Variants in SLC9D1 observed in about 807,000 individuals in gnomAD.
SLC9D1 encodes putative LAG1-interacting protein.
At chr13:113,494,078 T>C in the SLC9D1 span, among the ~76,000 whole-genome samples, 1 of 152,236 alleles carries the variant, frequency 6.6e-6, no homozygotes, top group Non-Finnish European at 1.5e-5. Context: ...TATAGATACA[T>C]CTTTTAGTAA....
chr13:113,493,689 T>C, the SLC9D1 span, among the ~76,000 whole-genome samples: 1 of 152,204 alleles, frequency 6.6e-6, no homozygotes, highest in Non-Finnish European at 1.5e-5. Context: ...CTCTGTGGAG[T>C]GTGCTTCTCC....
chr13:113,548,476 C>T, the SLC9D1 span: 41 of 1,591,902 alleles, frequency 2.6e-5, no homozygotes, highest in African/African-American at 3.8e-4. Flanking sequence ...CCCCGCGGAG[C>T]GCTTCTCGGG....
the SLC9D1 span, chr13:113,533,923 A>G: frequency 6.7e-6 from 5 of 742,268 alleles, no homozygotes; most frequent in South Asian, 7.2e-5. Flanking sequence ...GAAAATAAAG[A>G]TGTGTATGAT....
chr13:113,492,770 C>T, the SLC9D1 span, among the ~76,000 whole-genome samples: 10 of 152,212 alleles, frequency 6.6e-5, no homozygotes, highest in South Asian at 2.1e-4. Flanking sequence ...TGGTGGCGAG[C>T]GCCTGTAATT....
chr13:113,491,202 C>T, the SLC9D1 span: 1 of 152,342 alleles, frequency 6.6e-6, no homozygotes, highest in Non-Finnish European at 1.5e-5. Flanking sequence ...GTCCTGGCGC[C>T]TCAGAGCCCG....
the SLC9D1 span, chr13:113,547,013 G>T: frequency 2.5e-6 from 1 of 400,418 alleles, no homozygotes; most frequent in Non-Finnish European, 4.6e-6. Flanking sequence ...CAGACCGAGT[G>T]CCGCCTCTGT....
At chr13:113,512,160 GCGGGGGCCGGGAC>G in the SLC9D1 span, among the ~76,000 whole-genome samples, 2 of 132,982 alleles carry the variant, frequency 1.5e-5, no homozygotes, top group Admixed American at 7.9e-5. Context: ...ACTCGGAGTC[GCGGGGGCCGGGAC>G]TGGAGAGGCA....
At chr13:113,511,107 C>T in the SLC9D1 span, among the ~76,000 whole-genome samples, 1 of 151,608 alleles carries the variant, frequency 6.6e-6, no homozygotes, top group African/African-American at 2.4e-5. Context: ...CAGTGGAAGC[C>T]GACTCACTCG....
chr13:113,512,880 A>G, the SLC9D1 span, among the ~76,000 whole-genome samples: 1 of 147,814 alleles, frequency 6.8e-6, no homozygotes, highest in Non-Finnish European at 1.5e-5. Flanking sequence ...GTAGATGGAG[A>G]GGGTCAGTAT....
the SLC9D1 span, among the ~76,000 whole-genome samples, chr13:113,547,663 C>T: frequency 2.0e-5 from 3 of 152,202 alleles, no homozygotes; most frequent in East Asian, 3.9e-4. Flanking sequence ...CAGTCCAGCC[C>T]GTCCTCCTCT....
the SLC9D1 span, among the ~76,000 whole-genome samples, chr13:113,507,968 G>C: frequency 0.21 from 32,012 of 152,186 alleles, 4,093 homozygotes; most frequent in African/African-American, 0.36. Context: ...GGGGGGCTTG[G>C]TAACCCACAG....
the SLC9D1 span, chr13:113,524,150 C>T: frequency 2.2e-6 from 1 of 456,490 alleles, no homozygotes; most frequent in Non-Finnish European, 4.4e-6. Context: ...ATTTCGTGTT[C>T]TTGCTGTAGT....
At chr13:113,533,956 T>C in the SLC9D1 span, 2 of 968,856 alleles carry the variant, frequency 2.1e-6, no homozygotes, top group Non-Finnish European at 3.2e-6. Context: ...TTTTGTAGCA[T>C]GTTAAAGAAA....
At chr13:113,534,633 T>C in the SLC9D1 span, 1 of 238,144 alleles carries the variant, frequency 4.2e-6, no homozygotes, top group Non-Finnish European at 8.1e-6. Flanking sequence ...CTACAAAAAA[T>C]AGAAAAACCA....
chr13:113,514,983 G>A, the SLC9D1 span, among the ~76,000 whole-genome samples: 3 of 152,326 alleles, frequency 2.0e-5, no homozygotes, highest in African/African-American at 4.8e-5. Context: ...CTCCCAAAGC[G>A]TTGGGATTGC....
At chr13:113,538,840 C>T in the SLC9D1 span, among the ~76,000 whole-genome samples, 2 of 152,218 alleles carry the variant, frequency 1.3e-5, no homozygotes, top group East Asian at 1.9e-4. Flanking sequence ...GCTCCCGTGT[C>T]GCGGCCGTCC....
the SLC9D1 span, among the ~76,000 whole-genome samples, chr13:113,531,002 T>A: frequency 7.7e-3 from 1,178 of 152,198 alleles, 4 homozygotes; most frequent in Non-Finnish European, 0.013. Context: ...ACCTTGGGCA[T>A]CATTGTTGGG....
the SLC9D1 span, among the ~76,000 whole-genome samples, chr13:113,501,029 G>A: frequency 6.6e-6 from 1 of 152,072 alleles, no homozygotes; most frequent in Non-Finnish European, 1.5e-5. Flanking sequence ...TGACCTTCAG[G>A]GCTGCAGGTG....
At chr13:113,521,238 G>T in the SLC9D1 span, among the ~76,000 whole-genome samples, 2 of 151,680 alleles carry the variant, frequency 1.3e-5, no homozygotes, top group Non-Finnish European at 2.9e-5. Context: ...GTGTCTGCAT[G>T]TGTGGTGTGT....
Sources: allele counts gnomAD v4.1 joint callset (sites outside exome capture counted in the v4.1 genomes callset), GRCh38; gene constraint gnomAD v4.1.1; transcripts MANE v1.5; gene names NCBI Gene and HGNC (gene_info 2026-07-23, HGNC 2026-07-21).